Variants in SUMF1 observed in about 807,000 individuals in gnomAD.
SUMF1 encodes formylglycine-generating enzyme.
In SUMF1, 48 loss-of-function variants were observed where a neutral mutation model predicts 47.6. The ratio of observed to expected loss-of-function variants is 1.01; its 90% CI spans 0.80 to 1.28. The LOEUF is 1.28. Ranked by LOEUF, SUMF1 falls within the 50% of genes most tolerant of loss-of-function variation. The probability of loss-of-function intolerance (pLI) is 0.00; values close to 1 mark genes in which losing one functional copy is unlikely to be tolerated. For synonymous variants in SUMF1, 230 were observed against 192.1 expected (o/e 1.20, Z -1.63); for missense variants, 571 against 485.4 (o/e 1.18, Z -1.66).
At chr3:4,353,459 A>G (rs371072472) in intron 8 of SUMF1, among the ~76,000 whole-genome samples, 1 of 152,076 alleles carries the variant, frequency 6.6e-6, no homozygotes, top group Admixed American at 6.6e-5. Flanking sequence ...TCACCGTGTT[A>G]GCCAGGATGG....
Position 4,453,056 on chromosome 3 carries a change from T to C in SUMF1, c.271-7A>G, listed in dbSNP as rs371283922. 96 of 1,610,280 alleles carry C rather than the reference T, an allele frequency of 6.0e-5. No homozygotes were observed. Among genetic ancestry groups the C allele is most frequent in the Non-Finnish European group, 7.9e-5 (93 of 1,179,034 alleles). On this transcript the variant is annotated splice_region_variant and splice_polypyrimidine_tract_variant and intron_variant, in intron 1 of 8. Transcript: ENST00000272902. Reference sequence around the variant, plus strand: ...CAGCAGGGATGGGGACCATCTACAATGAAAGGTGAAACACAGGAAGTCATG... The same window carrying C: ...CAGCAGGGATGGGGACCATCTACAACGAAAGGTGAAACACAGGAAGTCATG...
intron 8 of SUMF1, among the ~76,000 whole-genome samples, chr3:4,087,130 T>C (rs1312339607): frequency 2.0e-5 from 3 of 152,120 alleles, no homozygotes; most frequent in Non-Finnish European, 2.9e-5. Context: ...GCTGAGCAAC[T>C]TTGGAGCGAA....
intron 8 of SUMF1, among the ~76,000 whole-genome samples, chr3:4,131,584 G>T (rs947836091): frequency 3.3e-5 from 5 of 152,158 alleles, no homozygotes; most frequent in Non-Finnish European, 7.3e-5. Flanking sequence ...ATATGGAATG[G>T]CCAGATATGC....
At chr3:4,076,806 T>C (rs2125041735) in intron 8 of SUMF1, among the ~76,000 whole-genome samples, 1 of 152,090 alleles carries the variant, frequency 6.6e-6, no homozygotes, top group African/African-American at 2.4e-5. Context: ...CAGACCATCC[T>C]GGCTAACATG....
At chr3:4,274,957 A>T (rs314418) in intron 8 of SUMF1, among the ~76,000 whole-genome samples, 97,162 of 151,982 alleles carry the variant, frequency 0.64, 32,424 homozygotes, top group African/African-American at 0.83. Context: ...CCAAATGTCA[A>T]ACAGGCCTGA....
chr3:4,290,170 T>A (rs1360514106), intron 8 of SUMF1, among the ~76,000 whole-genome samples: 3 of 152,224 alleles, frequency 2.0e-5, no homozygotes, highest in African/African-American at 7.2e-5. Flanking sequence ...TTCCCAAGTT[T>A]AGCATCTTTA....
At chr3:4,108,618 G>A (rs551387915) in intron 8 of SUMF1, among the ~76,000 whole-genome samples, 1 of 152,184 alleles carries the variant, frequency 6.6e-6, no homozygotes, top group African/African-American at 2.4e-5. Flanking sequence ...CATATTGGGT[G>A]CATATATATT....
chr3:4,199,472 C>T (rs1207816355), intron 8 of SUMF1, among the ~76,000 whole-genome samples: 1 of 152,030 alleles, frequency 6.6e-6, no homozygotes, highest in African/African-American at 2.4e-5. Context: ...GATTTCATTC[C>T]TCTTGGGCAA....
chr3:4,117,715 G>A (rs868246391), intron 8 of SUMF1, among the ~76,000 whole-genome samples: 10 of 151,862 alleles, frequency 6.6e-5, no homozygotes, highest in Non-Finnish European at 1.2e-4. Flanking sequence ...TTTGGAGCAC[G>A]GCATTAGAAA....
intron 8 of SUMF1, among the ~76,000 whole-genome samples, chr3:4,109,417 C>T (rs1301960032): frequency 2.6e-5 from 4 of 152,032 alleles, no homozygotes; most frequent in African/African-American, 9.7e-5. Flanking sequence ...AGTTGCTCTT[C>T]TCGAGGAGTA....
At chr3:4,247,657 T>C (rs313649) in intron 8 of SUMF1, among the ~76,000 whole-genome samples, 1 of 151,870 alleles carries the variant, frequency 6.6e-6, no homozygotes, top group Non-Finnish European at 1.5e-5. Context: ...AGCAGCTGAC[T>C]TCTAGACTAA....
intron 8 of SUMF1, among the ~76,000 whole-genome samples, chr3:4,146,227 CAAGGCAGAGAGGG>C (rs1471890127): frequency 1.3e-5 from 2 of 151,892 alleles, no homozygotes; most frequent in African/African-American, 4.8e-5. Flanking sequence ...GGAAAGGAAA[CAAGGCAGAGAGGG>C]AAGGCAATGA....
chr3:4,073,740 G>A (rs1298872361), intron 8 of SUMF1, among the ~76,000 whole-genome samples: 2 of 152,152 alleles, frequency 1.3e-5, no homozygotes, highest in African/African-American at 4.8e-5. Context: ...GAGAGACTAA[G>A]AAGGCCATTA....
At chr3:4,464,559 ATTTG>A (rs1194000832) in intron 1 of SUMF1, among the ~76,000 whole-genome samples, 1 of 152,198 alleles carries the variant, frequency 6.6e-6, no homozygotes, top group Non-Finnish European at 1.5e-5. Context: ...CCAAATAAAC[ATTTG>A]TTTAATTAAA....
At chr3:4,369,410 C>T (rs1050455156) in intron 8 of SUMF1, among the ~76,000 whole-genome samples, 2 of 152,126 alleles carry the variant, frequency 1.3e-5, no homozygotes, top group East Asian at 1.9e-4. Flanking sequence ...AGCCTCATTC[C>T]ATGCAGGGCC....
chr3:4,373,722 T>C (rs1378483071), intron 8 of SUMF1, among the ~76,000 whole-genome samples: 2 of 152,124 alleles, frequency 1.3e-5, no homozygotes, highest in East Asian at 3.8e-4. Context: ...AGCAATACCC[T>C]GAAACCAAAA....
rs865830890 is a variant in SUMF1, at chr3:4,253,991, C to T, written c.1014+122339G>A. Reference sequence around the variant, plus strand: ...AGCAGCCTAACTGGGAGGCACCCCCCAGCAAGGGCACACTGACACCACACA... The same window carrying T: ...AGCAGCCTAACTGGGAGGCACCCCCTAGCAAGGGCACACTGACACCACACA... On this transcript the variant is annotated intron_variant and NMD_transcript_variant, in intron 8 of 12. Transcript: ENST00000448413. Among the ~76,000 whole-genome samples the T allele has an allele frequency of 2.6e-5, 4 of 151,092 alleles. 1 individual carries two copies. The highest frequency in any genetic ancestry group is 6.8e-3 in the Middle Eastern group (2 of 294).
At chr3:4,210,807 T>C (rs1695762567) in intron 8 of SUMF1, among the ~76,000 whole-genome samples, 1 of 151,798 alleles carries the variant, frequency 6.6e-6, no homozygotes, top group Non-Finnish European at 1.5e-5. Context: ...CCAAAGGAGA[T>C]TAACATTTGT....
intron 8 of SUMF1, among the ~76,000 whole-genome samples, chr3:4,117,816 C>T (rs767246554): frequency 6.6e-6 from 1 of 151,962 alleles, no homozygotes; most frequent in Non-Finnish European, 1.5e-5. Flanking sequence ...ACATTAAGTA[C>T]TCAGGTTCTT....
Sources: allele counts gnomAD v4.1 joint callset (sites outside exome capture counted in the v4.1 genomes callset), GRCh38; gene constraint gnomAD v4.1.1; transcripts MANE v1.5; gene names NCBI Gene and HGNC (gene_info 2026-07-23, HGNC 2026-07-21).